Variants in ECI2 observed in about 807,000 individuals in gnomAD.
ECI2 encodes the protein enoyl-CoA delta isomerase 2.
A neutral mutation model predicts 38.4 loss-of-function variants in ECI2; 27 were observed. The observed-to-expected ratio is 0.70, with a 90% CI of 0.52 to 0.97. The LOEUF is 0.97. ECI2 is among the 50% of genes least tolerant of loss of function. The pLI is 0.00. For missense variants in ECI2, 470 were observed against 474.4 expected, an observed-to-expected ratio of 0.99 and a Z score of 0.09; for synonymous variants, 168 against 172.0, an observed-to-expected ratio of 0.98 and a Z score of 0.18.
In ECI2 at chr6:4,130,808, C is replaced by T; in HGVS notation, c.271G>A (p.Ala91Thr). The change falls in exon 3 of 10, where the codon GCC becomes ACC. Residue 91 changes from alanine to threonine, a missense_variant. Coordinates refer to ENST00000380118, the MANE Select transcript of ECI2 (RefSeq NM_206836.3). ...KPGVFDLINK[A>T]KWDAWNALGS... The stretch of plus-strand genomic sequence containing the variant: ...AGGGCATTCCATGCGTCCCATTTGG[C>T]CTTGTTGATCAAGTCAAATACACCT... 1.2e-6 allele frequency: 2 copies of T among 1,614,180 alleles called. No homozygotes were observed. The highest frequency in any genetic ancestry group is 1.7e-5 in the Admixed American group (1 of 60,022).
In ECI2 at chr6:4,130,044, C is replaced by T. The variant is rs1773420911; in HGVS notation, c.501+328G>A. Reference sequence around the variant, plus strand: ...ATGTCTAAGTGACATGAAGATACTTCTGGGAGCAGTCTACACCAACCTTAG... The same window carrying T: ...ATGTCTAAGTGACATGAAGATACTTTTGGGAGCAGTCTACACCAACCTTAG... On this transcript the variant is annotated intron_variant, in intron 4 of 9. Transcript: ENST00000380118. The T allele has an allele frequency of 3.5e-6, 5 of 1,421,670 alleles. No individual in the cohort carries two copies. The Admixed American group carries it at 5.2e-5, about 15-fold the overall frequency. The allele number at this position is 1,421,670 out of a possible 1,614,324, so 88.1% of individuals were successfully genotyped here.
intron 8 of ECI2, chr6:4,118,661 G>A (rs1260561876): frequency 2.6e-5 from 4 of 153,190 alleles, no homozygotes; most frequent in South Asian, 4.1e-4. Flanking sequence ...GAATACACCC[G>A]TGAGCAGGCT....
chr6:4,119,265 T>C lies in ECI2; in HGVS notation c.806A>G (p.His269Arg), dbSNP rs200845716. The C allele has an allele frequency of 6.2e-7, 1 of 1,612,338 alleles. No individual in the cohort carries two copies. Among genetic ancestry groups the C allele is most frequent in the East Asian group, 2.2e-5 (1 of 44,852 alleles). The change falls in exon 8 of 10, where the codon CAT becomes CGT. Residue 269 changes from histidine (H) to arginine (R), a missense_variant. His to Arg is a conservative substitution (Grantham distance 29). Transcript: ENST00000380118. ...AVYASDRATFHTPFSHLGQSP... is the reference protein window; with the variant it reads ...AVYASDRATFRTPFSHLGQSP... ...TTGGCCTAGGTGACTAAATGGTGTA[T>C]GAAATGTTGCCTGCAGAGGCAGGAG...
In ECI2 at chr6:4,130,514, G is replaced by A; in HGVS notation, c.359C>T (p.Pro120Leu). 1 of 1,614,196 alleles carries A rather than the reference G, an allele frequency of 6.2e-7. No homozygotes were observed. The highest frequency in any genetic ancestry group is 8.5e-7 in the Non-Finnish European group (1 of 1,180,038). ...CACCTGACTAGAGGATTCCAATGAAGGACTCAAACTGGACACCAAATCCAC... is the reference window on the plus strand; with the variant it reads ...CACCTGACTAGAGGATTCCAATGAAAGACTCAAACTGGACACCAAATCCAC... ...NYVDLVSSLS[P>L]SLESSSQVEP... Residue 120 changes from proline to leucine, a missense_variant, in exon 4 of 10, where the codon CCT (proline) becomes CTT (leucine). Transcript: ENST00000380118.
intron 2 of ECI2, among the ~76,000 whole-genome samples, chr6:4,133,143 C>G (rs1207396333): frequency 2.6e-5 from 4 of 152,160 alleles, no homozygotes; most frequent in African/African-American, 9.7e-5. Context: ...GTACACTTTT[C>G]TTAAAAATAT....
intron 4 of ECI2, among the ~76,000 whole-genome samples, chr6:4,128,828 G>C (rs1328474957): frequency 6.6e-6 from 1 of 152,162 alleles, no homozygotes; most frequent in Non-Finnish European, 1.5e-5. Flanking sequence ...TTTTATGGGG[G>C]ACTTCAGGTT....
At position 4,117,297 on chromosome 6, in the gene ECI2, T is replaced by G. The variant is rs753241882; in HGVS notation, c.1029+11A>C. The G allele has an allele frequency of 1.9e-6, 3 of 1,581,086 alleles. No homozygotes were observed. The highest frequency in any genetic ancestry group is 2.6e-6 in the Non-Finnish European group (3 of 1,169,430). The stretch of plus-strand genomic sequence containing the variant: ...TTTCAAGGTTCTTAGAAGTAAAAGA[T>G]GAATACTAACATTTGGGGGAAGCTT... On this transcript the variant is annotated intron_variant, in intron 9 of 9. Coordinates refer to ENST00000380118, the MANE Select transcript of ECI2 (RefSeq NM_206836.3).
chr6:4,134,169 C>T (rs900539385), intron 1 of ECI2, among the ~76,000 whole-genome samples: 5 of 152,140 alleles, frequency 3.3e-5, no homozygotes, highest in Non-Finnish European at 7.3e-5. Flanking sequence ...TCTTTGCTGG[C>T]GAAGCTGGTG....
chr6:4,119,348 TTTCGCTC>T, intron 7 of ECI2, 73 bp from the exon 8 acceptor site: 2 of 1,209,732 alleles, frequency 1.7e-6, no homozygotes, highest in Non-Finnish European at 1.2e-6. Context: ...AGACAAAGGG[TTTCGCTC>T]TTTTGCCCAG....
At chr6:4,121,932 C>CT in intron 7 of ECI2, 3 of 1,485,284 alleles carry the variant, frequency 2.0e-6, no homozygotes, top group Admixed American at 2.1e-5. Context: ...CATGTATCTT[C>CT]TTTTTTTATC....
chr6:4,135,394 A>C, intron 1 of ECI2, 117 bp downstream of exon 1: 1 of 1,568,386 alleles, frequency 6.4e-7, no homozygotes, highest in Admixed American at 1.9e-5. Context: ...AGCAAAGCAA[A>C]ATCCTGTTGC....
rs1773068673 is a variant in ECI2, at chr6:4,125,253, G to A, written c.792C>T (p.Asp264=). The change falls in exon 7 of 10, where the codon GAC becomes GAT. Residue 264 remains aspartate (D), a synonymous_variant. Transcript: ENST00000380118. ...TGCTTTCTAGGAGCTGACTTACCCTGTCAGATGCATACACGGCATCGAATA... is the reference window on the plus strand; with the variant it reads ...TGCTTTCTAGGAGCTGACTTACCCTATCAGATGCATACACGGCATCGAATA... ...LGLFDAVYAS[D]RATFHTPFSH... The A allele has an allele frequency of 6.2e-7, 1 of 1,614,062 alleles. No homozygotes were observed. The highest frequency in any genetic ancestry group is 1.1e-5 in the South Asian group (1 of 91,078).
Position 4,130,764 on chromosome 6 carries a change from C to T in ECI2, c.312+3G>A. On this transcript the variant is annotated splice_donor_region_variant and intron_variant, in intron 3 of 9. Transcript: ENST00000380118. ...ATAAAAGCACAGTAACTAGTAAACTCACCTTGGGCAGGCTGCCAAGGGCAT... is the reference window on the plus strand; with the variant it reads ...ATAAAAGCACAGTAACTAGTAAACTTACCTTGGGCAGGCTGCCAAGGGCAT... The T allele has an allele frequency of 6.2e-7, 1 of 1,613,910 alleles. No homozygotes were observed. The highest frequency in any genetic ancestry group is 2.2e-5 in the East Asian group (1 of 44,888).
chr6:4,127,942 A>T (rs1773282896), intron 4 of ECI2, 111 bp from the exon 5 acceptor site: 5 of 981,556 alleles, frequency 5.1e-6, no homozygotes, highest in Non-Finnish European at 7.3e-6. Flanking sequence ...AGTGCCTAAC[A>T]TTTATTTTGG....
chr6:4,124,015 G>A (rs1460578673), intron 7 of ECI2, among the ~76,000 whole-genome samples: 1 of 151,982 alleles, frequency 6.6e-6, no homozygotes, highest in Non-Finnish European at 1.5e-5. Context: ...TCAATTCAGT[G>A]GGAGAATCAG....
intron 7 of ECI2, among the ~76,000 whole-genome samples, chr6:4,119,787 T>C (rs1211766212): frequency 1.3e-5 from 2 of 152,202 alleles, no homozygotes; most frequent in African/African-American, 4.8e-5. Context: ...CCACCACCAC[T>C]ACTGACATGC....
chr6:4,133,421 CT>C (rs2080464149), intron 2 of ECI2, 127 bp downstream of exon 2: 6 of 1,069,560 alleles, frequency 5.6e-6, no homozygotes, highest in Non-Finnish European at 8.1e-6. Flanking sequence ...CACACACACA[CT>C]CTTCAGAGAA....
In ECI2 at chr6:4,133,531, T is replaced by C. The variant is rs545259375; in HGVS notation, c.213+18A>G. 3.0e-5 allele frequency: 47 copies of C among 1,583,810 alleles called. 2 individuals carry two copies. The African/African-American group carries it at 4.3e-4, about 15-fold the overall frequency. On this transcript the variant is annotated intron_variant, in intron 2 of 9. Coordinates refer to ENST00000380118, the MANE Select transcript of ECI2 (RefSeq NM_206836.3). ...TTGCCCAAAATTCTTTAAATAACGT[T>C]CGACCGTAGGCATTTACCTGCTTAT...
intron 1 of ECI2, chr6:4,135,266 C>A: frequency 8.4e-7 from 1 of 1,197,318 alleles, no homozygotes; most frequent in Non-Finnish European, 1.2e-6. Flanking sequence ...TTGGGGACTG[C>A]TGACAGGGAA....
Sources: gnomAD v4.1 joint callset for allele counts (sites outside exome capture counted in the v4.1 genomes callset) on GRCh38, gnomAD v4.1.1 for gene constraint, MANE v1.5 for transcripts, NCBI Gene and HGNC (gene_info 2026-07-23, HGNC 2026-07-21) for gene names.